SLC6A13: variants seen among roughly 807,000 people sequenced by gnomAD.
The protein encoded by SLC6A13 is sodium- and chloride-dependent GABA transporter 2.
Under a neutral mutation model 72.9 loss-of-function variants are expected in SLC6A13, and 69 were observed. That is an observed-to-expected ratio of 0.95 (90% CI 0.78 to 1.16). SLC6A13 has a LOEUF of 1.16. SLC6A13 is among the 50% of genes most tolerant of loss of function. SLC6A13 has a pLI of 0.00. For synonymous variants in SLC6A13, 303 were observed against 303.0 expected (o/e 1.00, Z 0.00); for missense variants, 735 against 760.5 (o/e 0.97, Z 0.39).
chr12:255,127 G>A (rs1942694974), intron 2 of SLC6A13, among the ~76,000 whole-genome samples: 1 of 152,190 alleles, frequency 6.6e-6, no homozygotes, highest in Non-Finnish European at 1.5e-5. Flanking sequence ...CAGTGGAGGG[G>A]ATGAGAAGTG....
chr12:221,347 G>A (rs914982354), intron 14 of SLC6A13, 29 bp downstream of exon 14: 2 of 1,555,206 alleles, frequency 1.3e-6, no homozygotes, highest in Admixed American at 2.0e-5. Flanking sequence ...CAGCCCCTCT[G>A]GCTGCTTTCC....
intron 2 of SLC6A13, among the ~76,000 whole-genome samples, chr12:257,662 A>C (rs1024281818): frequency 6.6e-6 from 1 of 152,102 alleles, no homozygotes; most frequent in African/African-American, 2.4e-5. Flanking sequence ...CTGCGTTCCC[A>C]CACAAGACAC....
At chr12:234,572 C>T (rs1941849843) in intron 7 of SLC6A13, among the ~76,000 whole-genome samples, 1 of 152,010 alleles carries the variant, frequency 6.6e-6, no homozygotes, top group Admixed American at 6.6e-5. Flanking sequence ...GGCTAGAGTG[C>T]AGTGGCGCGA....
At position 224,079 on chromosome 12, in the gene SLC6A13, G is replaced by C. The variant is rs16928571; in HGVS notation, c.1224C>G (p.His408Gln). 6 of 1,614,000 alleles carry C rather than the reference G, an allele frequency of 3.7e-6. No individual in the cohort carries two copies. Among genetic ancestry groups the C allele is most frequent in the South Asian group, 3.3e-5 (3 of 91,082 alleles). The change falls in exon 11 of 15, where the codon CAC becomes CAG. Residue 408 changes from histidine (H) to glutamine (Q), a missense_variant. Physicochemically the swap from His to Gln is conservative, Grantham distance 24. Transcript: ENST00000343164. The part of the protein sequence containing the change: ...LVTALVDMYP[H>Q]VFRKKNRREV... ...CCCTCCGGTTCTTCTTGCGGAACAC[G>C]TGAGGGTACATGTCCACCAGCGCTG...
intron 4 of SLC6A13, among the ~76,000 whole-genome samples, chr12:241,279 G>A (rs576833405): frequency 6.6e-6 from 1 of 152,140 alleles, no homozygotes; most frequent in East Asian, 1.9e-4. Context: ...CTCCAGCCTG[G>A]GCGACCGAGC....
intron 2 of SLC6A13, among the ~76,000 whole-genome samples, chr12:258,511 C>T (rs960279439): frequency 1.3e-5 from 2 of 152,200 alleles, no homozygotes; most frequent in African/African-American, 4.8e-5. Context: ...TCCCTGGTGA[C>T]CTACCTCTGT....
At chr12:235,613 G>A (rs138490205) in intron 6 of SLC6A13, among the ~76,000 whole-genome samples, 29 of 151,958 alleles carry the variant, frequency 1.9e-4, no homozygotes, top group Admixed American at 3.9e-4. Context: ...TGTAAAACAC[G>A]TATGTTTGAA....
chr12:226,264 G>T lies in SLC6A13; in HGVS notation c.1060+126C>A, dbSNP rs565020792. 2.7e-6 allele frequency: 3 copies of T among 1,111,284 alleles called. No homozygotes were observed. The African/African-American group carries it at 4.6e-5, about 17-fold the overall frequency. 68.8% of individuals were successfully genotyped at this position (1,111,284 alleles called of 1,614,324 possible). ...ATTCTCCGCCAAGTCTTCCCAGAACGCATCCACTGAATGGTGGCCGTAGCT... is the reference window on the plus strand; with the variant it reads ...ATTCTCCGCCAAGTCTTCCCAGAACTCATCCACTGAATGGTGGCCGTAGCT... On this transcript the variant is annotated intron_variant, in intron 9 of 14. Coordinates refer to ENST00000343164, the MANE Select transcript of SLC6A13 (RefSeq NM_016615.5).
At chr12:250,455 C>G in intron 2 of SLC6A13, among the ~76,000 whole-genome samples, 1 of 151,804 alleles carries the variant, frequency 6.6e-6, no homozygotes, top group East Asian at 1.9e-4. Flanking sequence ...TTGCAGGATA[C>G]AGGATGGGCA....
intron 11 of SLC6A13, 41 bp downstream of exon 11, chr12:223,951 G>T (rs1410108763): frequency 1.2e-6 from 2 of 1,609,458 alleles, no homozygotes; most frequent in East Asian, 4.5e-5. Context: ...CTGTCACTTG[G>T]CTCCTCCTCC....
At position 235,160 on chromosome 12, in the gene SLC6A13, G is replaced by A. The variant is rs140808969; in HGVS notation, c.761C>T (p.Thr254Met). The change falls in exon 7 of 15, where the codon ACG becomes ATG. Residue 254 changes from threonine to methionine, a missense_variant. Thr to Met is a moderately conservative substitution (Grantham distance 81). Coordinates refer to ENST00000343164, the MANE Select transcript of SLC6A13 (RefSeq NM_016615.5). ...MLVVLLIRGV[T>M]LPGAAQGIQF... Reference sequence around the variant, plus strand: ...AATTCCTTGGGCTGCCCCAGGCAACGTCACCCCTCGAATTAACAGGACCAC... The same window carrying A: ...AATTCCTTGGGCTGCCCCAGGCAACATCACCCCTCGAATTAACAGGACCAC... 140 of 1,614,116 alleles carry A rather than the reference G, an allele frequency of 8.7e-5. No individual in the cohort carries two copies. The highest frequency in any genetic ancestry group is 1.1e-4 in the Non-Finnish European group (129 of 1,179,972).
chr12:251,607 C>A (rs1024392576), intron 2 of SLC6A13, among the ~76,000 whole-genome samples: 1 of 151,942 alleles, frequency 6.6e-6, no homozygotes, highest in Non-Finnish European at 1.5e-5. Flanking sequence ...AATTTATAAA[C>A]CAGACATCAT....
chr12:253,493 T>C (rs1942628727), intron 2 of SLC6A13: 1 of 152,318 alleles, frequency 6.6e-6, no homozygotes, highest in Non-Finnish European at 1.5e-5. Context: ...ACAGGGCTAA[T>C]GGTTTTCCTT....
At chr12:228,371 G>T (rs1421320886) in intron 7 of SLC6A13, among the ~76,000 whole-genome samples, 1 of 152,004 alleles carries the variant, frequency 6.6e-6, no homozygotes, top group African/African-American at 2.4e-5. Context: ...AGGACCGAGC[G>T]ACCCTGCAGA....
chr12:222,535 G>T lies in SLC6A13; in HGVS notation c.1512C>A (p.Cys504Ter). ...YCWLFLTPAV[C>*]TATFLFSLIK... ...TTTATCCCTGAAATGATCTTACTGT[G>T]CACACAGCTGGTGTGAGGAAGAGCC... Residue 504 changes from cysteine (C) to a stop codon, truncating the protein, a stop_gained, in exon 13 of 15, where the codon TGC becomes TGA. Transcript: ENST00000343164. LOFTEE classifies it high-confidence loss of function. 1 of 1,590,848 alleles carries T rather than the reference G, an allele frequency of 6.3e-7. No homozygotes were observed. Among genetic ancestry groups the T allele is most frequent in the Non-Finnish European group, 8.6e-7 (1 of 1,161,724 alleles).
intron 2 of SLC6A13, among the ~76,000 whole-genome samples, chr12:245,394 G>A (rs532463): frequency 0.27 from 41,677 of 152,070 alleles, 5,933 homozygotes; most frequent in East Asian, 0.46. Flanking sequence ...ACAGAAATAC[G>A]AAATTGGCCG....
chr12:245,979 G>A (rs868075157), intron 2 of SLC6A13, among the ~76,000 whole-genome samples: 24 of 151,372 alleles, frequency 1.6e-4, no homozygotes, highest in Non-Finnish European at 3.1e-4. Context: ...TTAGCCGGGT[G>A]TGGTGGTGGG....
At position 242,669 on chromosome 12, in the gene SLC6A13, G is replaced by A. The variant is rs747515449; in HGVS notation, c.423C>T (p.Phe141=). 4 of 1,613,292 alleles carry A rather than the reference G, an allele frequency of 2.5e-6. No homozygotes were observed. In the South Asian group the frequency reaches 4.4e-5, roughly 18 times the overall value. The change falls in exon 4 of 15, where the codon TTC becomes TTT. Residue 141 remains phenylalanine, a synonymous_variant. Transcript: ENST00000343164. Reference sequence around the variant, plus strand: ...AGGGCAGGTCGATGGTGAAGCTGCTGAAGAGGTAGAACAGGGCCCAGGCCA... The same window carrying A: ...AGGGCAGGTCGATGGTGAAGCTGCTAAAGAGGTAGAACAGGGCCCAGGCCA... ...IVLAWALFYL[F]SSFTIDLPWG...
chr12:242,813 C>A lies in SLC6A13; in HGVS notation c.338-59G>T. The A allele has an allele frequency of 2.0e-6, 3 of 1,519,996 alleles. No homozygotes were observed. The South Asian group carries it at 3.7e-5, about 19-fold the overall frequency. 94.2% of individuals were successfully genotyped at this position (1,519,996 alleles called of 1,614,324 possible). On this transcript the variant is annotated intron_variant, in intron 3 of 14. Coordinates refer to ENST00000343164, the MANE Select transcript of SLC6A13 (RefSeq NM_016615.5). ...GTGGACAGCGGTGGCGTGCACCTGT[C>A]ATTTCAGCTATGCGGGACGCTGAGG...
Sources: gnomAD v4.1 joint callset for allele counts (sites outside exome capture counted in the v4.1 genomes callset) on GRCh38, gnomAD v4.1.1 for gene constraint, MANE v1.5 for transcripts, NCBI Gene and HGNC (gene_info 2026-07-23, HGNC 2026-07-21) for gene names.